Variants in ENPEP observed in about 807,000 individuals in gnomAD.
The protein encoded by ENPEP is AP-A.
A neutral mutation model predicts 114.5 loss-of-function variants in ENPEP; 103 were observed. The ratio of observed to expected loss-of-function variants is 0.90; its 90% CI spans 0.77 to 1.06. ENPEP has a LOEUF of 1.06. Among genes scored for constraint, ENPEP ranks in the 50% least tolerant of loss-of-function variants. The pLI is 0.00. For missense variants in ENPEP, 1,196 were observed against 1,161.3 expected (o/e 1.03, Z -0.43); for synonymous variants, 420 against 422.0 (o/e 1.00, Z 0.06).
chr4:110,514,531 G>A (rs1343297687), intron 7 of ENPEP, among the ~76,000 whole-genome samples: 1 of 151,836 alleles, frequency 6.6e-6, no homozygotes, highest in African/African-American at 2.4e-5. Context: ...TATTCACATG[G>A]GAGAAGTTTA....
chr4:110,501,450 G>C (rs1725154313), intron 3 of ENPEP, among the ~76,000 whole-genome samples: 2 of 152,056 alleles, frequency 1.3e-5, no homozygotes, highest in Admixed American at 1.3e-4. Context: ...CTACTTTCAA[G>C]TAGGCCTTGA....
In ENPEP at chr4:110,561,499, C is replaced by G. The variant is rs1318813625; in HGVS notation, c.2815C>G (p.Leu939Val). 2 of 1,613,804 alleles carry G rather than the reference C, an allele frequency of 1.2e-6. No homozygotes were observed. Among genetic ancestry groups the G allele is most frequent in the Non-Finnish European group, 8.5e-7 (1 of 1,179,872 alleles). The change falls in exon 20 of 20, where the codon CTA (leucine) becomes GTA (valine). Residue 939 changes from leucine (L) to valine (V), a missense_variant. By Grantham distance (32) the Leu-to-Val change is conservative. Transcript: ENST00000265162. The stretch of plus-strand genomic sequence containing the variant: ...AACAGTGAAAAACAATATAGAGTGG[C>G]TAAAACAACATAGAAACACCATCAG... ...LETVKNNIEW[L>V]KQHRNTIREW... is the part of the protein sequence containing the mutation.
chr4:110,548,450 G>T, intron 14 of ENPEP, 124 bp downstream of exon 14: 1 of 730,342 alleles, frequency 1.4e-6, no homozygotes, highest in Non-Finnish European at 2.0e-6. Flanking sequence ...GGAATCAAAA[G>T]AAAGTGCAAT....
At chr4:110,488,795 TAATA>T in intron 2 of ENPEP, 113 bp downstream of exon 2, 2 of 1,213,940 alleles carry the variant, frequency 1.6e-6, no homozygotes, top group African/African-American at 3.1e-5. Context: ...AAATGTGCAC[TAATA>T]GTTTATTTAG....
intron 19 of ENPEP, 93 bp from the exon 20 acceptor site, chr4:110,561,313 G>C: frequency 1.5e-6 from 2 of 1,349,518 alleles, no homozygotes; most frequent in South Asian, 2.5e-5. Flanking sequence ...GAATTTCTAG[G>C]TAAGAAGAAA....
chr4:110,519,133 A>T (rs1189970593), intron 8 of ENPEP: 4 of 455,742 alleles, frequency 8.8e-6, no homozygotes, highest in South Asian at 6.2e-5. Context: ...TGGAGGCAGC[A>T]TTCCAAAGTG....
intron 2 of ENPEP, among the ~76,000 whole-genome samples, chr4:110,489,543 A>G (rs574957877): frequency 1.3e-5 from 2 of 152,288 alleles, no homozygotes; most frequent in South Asian, 2.1e-4. Context: ...TGTATCCCAG[A>G]ACTTAAAGTG....
intron 11 of ENPEP, chr4:110,533,112 G>A (rs913168931): frequency 8.0e-5 from 36 of 452,108 alleles, no homozygotes; most frequent in Admixed American, 4.5e-4. Context: ...AGAATATCTC[G>A]GCAGCTGTTT....
chr4:110,554,374 C>T (rs1232288748), intron 18 of ENPEP, among the ~76,000 whole-genome samples: 2 of 151,948 alleles, frequency 1.3e-5, no homozygotes, highest in Non-Finnish European at 2.9e-5. Flanking sequence ...CTATTATGTC[C>T]ATTTACATTT....
chr4:110,507,295 C>T (rs1725407976), intron 4 of ENPEP, among the ~76,000 whole-genome samples: 1 of 152,164 alleles, frequency 6.6e-6, no homozygotes, highest in Non-Finnish European at 1.5e-5. Context: ...GGGAGACATG[C>T]ATTCTTCATA....
intron 17 of ENPEP, among the ~76,000 whole-genome samples, chr4:110,551,448 C>A (rs762771032): frequency 6.6e-5 from 10 of 152,094 alleles, no homozygotes; most frequent in Non-Finnish European, 1.3e-4. Flanking sequence ...TTACTTTAAC[C>A]ATTTACAGAG....
intron 3 of ENPEP, among the ~76,000 whole-genome samples, chr4:110,491,909 C>T (rs192833524): frequency 0.016 from 2,423 of 151,420 alleles, 36 homozygotes; most frequent in Non-Finnish European, 0.023. Flanking sequence ...TTAGTAGAGA[C>T]GGGGTTTCAC....
intron 10 of ENPEP, among the ~76,000 whole-genome samples, chr4:110,530,677 T>C (rs969193309): frequency 5.9e-5 from 9 of 152,150 alleles, no homozygotes; most frequent in African/African-American, 2.2e-4. Flanking sequence ...TAGTTCTAAA[T>C]AGGGGATATT....
chr4:110,508,547 C>T (rs1725456202), intron 4 of ENPEP, among the ~76,000 whole-genome samples: 1 of 152,222 alleles, frequency 6.6e-6, no homozygotes, highest in African/African-American at 2.4e-5. Flanking sequence ...TGCGGTGGCT[C>T]ACGCCTGTAA....
intron 13 of ENPEP, 76 bp downstream of exon 13, chr4:110,543,146 A>G (rs1726917647): frequency 2.3e-6 from 3 of 1,304,478 alleles, no homozygotes; most frequent in Non-Finnish European, 3.3e-6. Flanking sequence ...TGAATTAAAC[A>G]TTGCAGTATT....
chr4:110,528,326 T>G (rs900615940), intron 10 of ENPEP, among the ~76,000 whole-genome samples: 5 of 152,198 alleles, frequency 3.3e-5, no homozygotes, highest in African/African-American at 1.2e-4. Flanking sequence ...AGAACCATTA[T>G]AGCAAAAGGA....
At chr4:110,531,979 T>A (rs566905105) in intron 11 of ENPEP, among the ~76,000 whole-genome samples, 2 of 152,322 alleles carry the variant, frequency 1.3e-5, no homozygotes, top group Admixed American at 1.3e-4. Context: ...CACTTGTGTC[T>A]TCTTGAAGAT....
chr4:110,546,233 C>T (rs576484581), intron 13 of ENPEP, among the ~76,000 whole-genome samples: 25 of 152,116 alleles, frequency 1.6e-4, no homozygotes, highest in Middle Eastern at 3.4e-3. Flanking sequence ...GCTTTGGGGT[C>T]CTGCGTCTTT....
chr4:110,519,123 T>C (rs778624413), intron 8 of ENPEP: 17 of 455,610 alleles, frequency 3.7e-5, no homozygotes, highest in Non-Finnish European at 6.2e-5. Context: ...AGAACAAATA[T>C]GGAGGCAGCA....
Sources: gnomAD v4.1 joint callset for allele counts (sites outside exome capture counted in the v4.1 genomes callset) on GRCh38, gnomAD v4.1.1 for gene constraint, MANE v1.5 for transcripts, NCBI Gene and HGNC (gene_info 2026-07-23, HGNC 2026-07-21) for gene names.